Variants in CTIF observed in about 807,000 individuals in gnomAD.
The protein encoded by CTIF is cap binding complex dependent translation initiation factor.
In CTIF, 21 loss-of-function variants were observed where a neutral mutation model predicts 66.0. The observed-to-expected ratio is 0.32, with a 90% CI of 0.23 to 0.46. The LOEUF (loss-of-function observed/expected upper bound fraction) is 0.46, where lower values mean the gene tolerates loss of function less well. CTIF is among the 20% of genes least tolerant of loss of function. The pLI is 1.00. For synonymous variants in CTIF, 345 were observed against 326.4 expected (o/e 1.06, Z -0.62); for missense variants, 739 against 812.7 (o/e 0.91, Z 1.10).
chr18:48,577,088 T>C (rs1161646763), intron 1 of CTIF, among the ~76,000 whole-genome samples: 1 of 152,146 alleles, frequency 6.6e-6, no homozygotes, highest in East Asian at 1.9e-4. Context: ...AGCCAGGACT[T>C]GAGGTTGGAG....
chr18:48,794,082 G>A (rs765330672), intron 9 of CTIF, among the ~76,000 whole-genome samples: 1 of 152,166 alleles, frequency 6.6e-6, no homozygotes, highest in Non-Finnish European at 1.5e-5. Context: ...TGGGTTTTCT[G>A]ACTAGTAGCC....
chr18:48,770,972 C>T (rs1230019698), intron 9 of CTIF, among the ~76,000 whole-genome samples: 1 of 152,134 alleles, frequency 6.6e-6, no homozygotes, highest in Non-Finnish European at 1.5e-5. Flanking sequence ...CCCCATGCCT[C>T]AGTCTTGGGC....
intron 3 of CTIF, among the ~76,000 whole-genome samples, chr18:48,650,959 C>T (rs1165144077): frequency 6.6e-6 from 1 of 152,106 alleles, no homozygotes; most frequent in Non-Finnish European, 1.5e-5. Flanking sequence ...GATTTTGTCA[C>T]CACCAGGCCT....
chr18:48,824,703 C>A (rs1160674595), intron 10 of CTIF, among the ~76,000 whole-genome samples: 1 of 151,696 alleles, frequency 6.6e-6, no homozygotes. Flanking sequence ...AGTGGTGCAA[C>A]CTCTGCCCAC....
intron 2 of CTIF, among the ~76,000 whole-genome samples, chr18:48,627,948 G>A (rs1197875700): frequency 6.6e-6 from 1 of 152,116 alleles, no homozygotes; most frequent in Non-Finnish European, 1.5e-5. Flanking sequence ...TAGAGAATAG[G>A]CTATGGTAGG....
At chr18:48,731,183 T>C (rs550009507) in intron 7 of CTIF, among the ~76,000 whole-genome samples, 21 of 152,082 alleles carry the variant, frequency 1.4e-4, no homozygotes, top group Non-Finnish European at 2.9e-4. Flanking sequence ...GTGCCTACCC[T>C]GTTGGGGTTT....
intron 1 of CTIF, among the ~76,000 whole-genome samples, chr18:48,545,017 C>A (rs1466729327): frequency 2.0e-5 from 3 of 152,288 alleles, no homozygotes; most frequent in Non-Finnish European, 4.4e-5. Flanking sequence ...CCTGCTCCGG[C>A]CTCAGATGTC....
intron 6 of CTIF, among the ~76,000 whole-genome samples, chr18:48,683,414 G>A (rs1324839458): frequency 6.7e-6 from 1 of 149,642 alleles, no homozygotes; most frequent in Non-Finnish European, 1.5e-5. Context: ...TTCGAGCAGG[G>A]GGCACAAGGG....
chr18:48,680,135 G>T (rs902353146), intron 6 of CTIF, among the ~76,000 whole-genome samples: 2 of 152,230 alleles, frequency 1.3e-5, no homozygotes, highest in African/African-American at 2.4e-5. Context: ...CCAAGAGGGA[G>T]TTCCCAGGAT....
At chr18:48,606,789 C>T (rs2144230772) in intron 1 of CTIF, among the ~76,000 whole-genome samples, 1 of 152,296 alleles carries the variant, frequency 6.6e-6, no homozygotes, top group Non-Finnish European at 1.5e-5. Flanking sequence ...GAGCCAGCCT[C>T]TTCCTAGCCA....
At chr18:48,828,554 G>T (rs1290109673) in intron 10 of CTIF, among the ~76,000 whole-genome samples, 1 of 152,124 alleles carries the variant, frequency 6.6e-6, no homozygotes, top group Non-Finnish European at 1.5e-5. Context: ...GAATGATTTC[G>T]CCTATCTCCC....
intron 2 of CTIF, among the ~76,000 whole-genome samples, chr18:48,623,013 C>T (rs770886909): frequency 7.2e-5 from 11 of 152,254 alleles, no homozygotes; most frequent in Non-Finnish European, 1.2e-4. Context: ...CCCAGAGCAG[C>T]CAGCGGGGAC....
intron 1 of CTIF, among the ~76,000 whole-genome samples, chr18:48,561,416 C>A (rs1171986301): frequency 1.3e-5 from 2 of 152,128 alleles, no homozygotes; most frequent in Non-Finnish European, 2.9e-5. Flanking sequence ...ATTTCTTCAG[C>A]CATTCCCAGA....
intron 1 of CTIF, among the ~76,000 whole-genome samples, chr18:48,607,139 C>T (rs1421834306): frequency 6.6e-6 from 1 of 152,178 alleles, no homozygotes; most frequent in Non-Finnish European, 1.5e-5. Flanking sequence ...GTTTCCCTCC[C>T]TCGGGTCCTC....
chr18:48,808,628 C>T (rs1014127544), intron 9 of CTIF, among the ~76,000 whole-genome samples: 11 of 151,816 alleles, frequency 7.2e-5, no homozygotes, highest in African/African-American at 2.7e-4. Context: ...AGACAGCTGT[C>T]CCTGCACTGT....
chr18:48,780,870 G>T (rs1911141468), intron 9 of CTIF, among the ~76,000 whole-genome samples: 1 of 152,172 alleles, frequency 6.6e-6, no homozygotes, highest in South Asian at 2.1e-4. Context: ...AAGGAGGGGG[G>T]CGTGCTGATA....
intron 9 of CTIF, among the ~76,000 whole-genome samples, chr18:48,770,815 G>A (rs572068757): frequency 1.3e-5 from 2 of 152,306 alleles, no homozygotes; most frequent in African/African-American, 4.8e-5. Context: ...ATTGGGTTGT[G>A]GTAGAGCTTA....
chr18:48,562,739 A>G (rs553142317), intron 1 of CTIF, among the ~76,000 whole-genome samples: 120 of 152,320 alleles, frequency 7.9e-4, no homozygotes, highest in African/African-American at 2.8e-3. Flanking sequence ...ATTTTTATCG[A>G]GCATGATCAT....
At chr18:48,621,893 T>C (rs1260674049) in intron 2 of CTIF, among the ~76,000 whole-genome samples, 1 of 152,216 alleles carries the variant, frequency 6.6e-6, no homozygotes, top group Non-Finnish European at 1.5e-5. Context: ...AGTCAGGGGT[T>C]GCTGGAGCCC....
Sources: gnomAD v4.1 joint callset for allele counts (sites outside exome capture counted in the v4.1 genomes callset) on GRCh38, gnomAD v4.1.1 for gene constraint, MANE v1.5 for transcripts, NCBI Gene and HGNC (gene_info 2026-07-23, HGNC 2026-07-21) for gene names.